TBC1D20: variants seen among roughly 807,000 people sequenced by gnomAD.
TBC1D20 encodes the protein TBC1 domain family member 20.
TBC1D20 carries 12 observed loss-of-function variants against 41.6 expected under a neutral mutation model. The ratio of observed to expected loss-of-function variants is 0.29; its 90% CI spans 0.18 to 0.47. The LOEUF (loss-of-function observed/expected upper bound fraction) is 0.47. Among genes scored for constraint, TBC1D20 ranks in the 20% least tolerant of loss-of-function variants. The probability of loss-of-function intolerance (pLI) is 1.00; values close to 1 mark genes in which losing one functional copy is unlikely to be tolerated. For synonymous variants in TBC1D20, 205 were observed against 204.8 expected, an observed-to-expected ratio of 1.00 and a Z score of -0.01; for missense variants, 421 against 517.4, an observed-to-expected ratio of 0.81 and a Z score of 1.81.
Position 436,722 on chromosome 20 carries a change from C to G in TBC1D20, c.*1864G>C, listed in dbSNP as rs541822608. ...TTCCTTTGCCCTGATGAATACACCA[C>G]TGTCTAAATTAATCCATCGACATCA... On this transcript the variant is annotated 3_prime_UTR_variant, in exon 8 of 8. Transcript: ENST00000354200. 3 of 153,778 alleles carry G rather than the reference C, an allele frequency of 2.0e-5. No homozygotes were observed. Among genetic ancestry groups the G allele is most frequent in the Admixed American group, 6.5e-5 (1 of 15,284 alleles). 9.5% of individuals were successfully genotyped at this position (153,778 alleles called of 1,614,324 possible).
chr20:443,333 CAGG>C (rs1423117923), intron 3 of TBC1D20, among the ~76,000 whole-genome samples: 7 of 152,324 alleles, frequency 4.6e-5, no homozygotes, highest in African/African-American at 1.7e-4. Context: ...AAGCCTGTCT[CAGG>C]AGTTCTTTCA....
Position 436,126 on chromosome 20 carries a change from A to C in TBC1D20, c.*2460T>G, listed in dbSNP as rs1175544130. On this transcript the variant is annotated 3_prime_UTR_variant, in exon 8 of 8. Transcript: ENST00000354200. ...TTGCAGATGAAACAGAAACAGCAAGACTGTAGGTACTGCCCAAGGTCTCCT... is the reference window on the plus strand; with the variant it reads ...TTGCAGATGAAACAGAAACAGCAAGCCTGTAGGTACTGCCCAAGGTCTCCT... 6.6e-6 allele frequency: 1 copy of C among 152,220 alleles called. No homozygotes were observed. The highest frequency in any genetic ancestry group is 6.6e-5 in the Admixed American group (1 of 15,262). The allele number at this position is 152,220 out of a possible 1,614,324, so 9.4% of individuals were successfully genotyped here. A position where few individuals can be genotyped will look rare whatever the true frequency, so the allele number is the denominator to read the frequency against.
intron 5 of TBC1D20, 158 bp from the exon 6 acceptor site, chr20:440,547 T>C (rs1280969504): frequency 6.4e-6 from 6 of 939,618 alleles, no homozygotes; most frequent in Admixed American, 3.0e-5. Context: ...AAATATTTAA[T>C]ACAAAGTCTT....
chr20:457,250 T>G (rs538413476), intron 1 of TBC1D20, among the ~76,000 whole-genome samples: 1 of 152,168 alleles, frequency 6.6e-6, no homozygotes, highest in African/African-American at 2.4e-5. Flanking sequence ...TTTTTAATTT[T>G]TATTTATTTA....
Position 440,307 on chromosome 20 carries a change from G to A in TBC1D20, c.709C>T (p.Arg237Trp), listed in dbSNP as rs1437262058. The A allele has an allele frequency of 8.1e-6, 13 of 1,613,916 alleles. No individual in the cohort carries two copies. The highest frequency in any genetic ancestry group is 1.1e-5 in the Non-Finnish European group (13 of 1,180,010). Reference sequence around the variant, plus strand: ...CAGGCCAGGAAGAAGTCATATAACCGCACGACGTGCCTGAAGTCAGACAGG... The same window carrying A: ...CAGGCCAGGAAGAAGTCATATAACCACACGACGTGCCTGAAGTCAGACAGG... Reference protein sequence around the residue: ...HVLSDFRHVVRLYDFFLACHP... With the variant: ...HVLSDFRHVVWLYDFFLACHP... The change falls in exon 6 of 8, where the codon CGG becomes TGG. Residue 237 changes from arginine (R) to tryptophan (W), a missense_variant. Physicochemically the swap from Arg to Trp is moderately radical, Grantham distance 101 (BLOSUM62 -3). Coordinates refer to ENST00000354200, the MANE Select transcript of TBC1D20 (RefSeq NM_144628.4).
intron 3 of TBC1D20, among the ~76,000 whole-genome samples, chr20:442,325 C>G (rs1409185092): frequency 6.6e-6 from 1 of 152,208 alleles, no homozygotes; most frequent in Admixed American, 6.5e-5. Flanking sequence ...ATGGGAGCCA[C>G]AGACGGCCTC....
At chr20:458,583 G>T (rs2017580940) in intron 1 of TBC1D20, among the ~76,000 whole-genome samples, 1 of 152,052 alleles carries the variant, frequency 6.6e-6, no homozygotes, top group South Asian at 2.1e-4. Flanking sequence ...AAAGTGCTGG[G>T]ATTACAGGCG....
rs1286884549 is a variant in TBC1D20 at position 439,307 on chromosome 20, T to C, written c.769-12A>G. On this transcript the variant is annotated splice_polypyrimidine_tract_variant and intron_variant, in intron 6 of 7. Transcript: ENST00000354200. This position sits in a 1 kb window ranked among gnomAD's most constrained non-coding sequence, Gnocchi z 4.6. ...CGATACAACACAATCTGTGGGGAGG[T>C]AGTAAAGCCTTGCAGTCAGAGGCCA... 3 of 1,590,848 alleles carry C rather than the reference T, an allele frequency of 1.9e-6. No individual in the cohort carries two copies. Among genetic ancestry groups the C allele is most frequent in the South Asian group, 1.1e-5 (1 of 87,720 alleles).
chr20:458,914 C>G lies in TBC1D20; in HGVS notation c.70+3422G>C, dbSNP rs1600345464. 3.3e-5 allele frequency among the ~76,000 whole-genome samples: 5 copies of G among 152,248 alleles called. 1 individual carries two copies. The South Asian group carries it at 1.0e-3, about 32-fold the overall frequency. Reference sequence around the variant, plus strand: ...GATTTCGGCTGCTGTTTTTTTCAGGCCCCAACACCACCCTCCTCAACCCCA... The same window carrying G: ...GATTTCGGCTGCTGTTTTTTTCAGGGCCCAACACCACCCTCCTCAACCCCA... On this transcript the variant is annotated intron_variant, in intron 1 of 7. Coordinates refer to ENST00000354200, the MANE Select transcript of TBC1D20 (RefSeq NM_144628.4).
At chr20:453,025 G>A (rs1013779067) in intron 1 of TBC1D20, among the ~76,000 whole-genome samples, 14 of 150,298 alleles carry the variant, frequency 9.3e-5, no homozygotes, top group Middle Eastern at 3.5e-3. Context: ...GGCACAGGCC[G>A]GTAATGCCAG....
At position 435,619 on chromosome 20, in the gene TBC1D20, G is replaced by A. The variant is rs948512913; in HGVS notation, c.*2967C>T. 2.0e-5 allele frequency: 3 copies of A among 153,654 alleles called. No homozygotes were observed. The highest frequency in any genetic ancestry group is 1.3e-4 in the Admixed American group (2 of 15,306). The allele number at this position is 153,654 out of a possible 1,614,324, so 9.5% of individuals were successfully genotyped here. ...TTCTGTCCCCATGGAGTGGGGGTGCGCCACCCTCTTGGCACATGGACAAGT... is the reference window on the plus strand; with the variant it reads ...TTCTGTCCCCATGGAGTGGGGGTGCACCACCCTCTTGGCACATGGACAAGT... On this transcript the variant is annotated 3_prime_UTR_variant, in exon 8 of 8. Transcript: ENST00000354200.
chr20:445,755 C>G (rs1372868057), intron 2 of TBC1D20, among the ~76,000 whole-genome samples: 3 of 152,220 alleles, frequency 2.0e-5, no homozygotes, highest in Admixed American at 6.5e-5. Context: ...TTTCCTCCAA[C>G]CAAACCAAGT....
rs1414789536 is a variant in TBC1D20, at chr20:443,428, A to C, written c.338-1385T>G. ...ATGAGCCAGGTTAGAAGAATGGCAC[A>C]TGCACAGCTTCTCCACACCATTAGC... is the stretch of plus-strand genomic sequence containing the variant. On this transcript the variant is annotated intron_variant, in intron 3 of 7. Coordinates refer to ENST00000354200, the MANE Select transcript of TBC1D20 (RefSeq NM_144628.4). 2.0e-5 allele frequency among the ~76,000 whole-genome samples: 3 copies of C among 152,334 alleles called. No homozygotes were observed. In the East Asian group the frequency reaches 5.8e-4, roughly 29 times the overall value.
chr20:440,459 G>A (rs904103003), intron 5 of TBC1D20, 70 bp from the exon 6 acceptor site: 48 of 1,556,790 alleles, frequency 3.1e-5, no homozygotes, highest in East Asian at 1.1e-4. Flanking sequence ...GCCTTATAGC[G>A]CTGGTGAGAA....
Position 440,403 on chromosome 20 carries a change from A to C in TBC1D20, c.627-14T>G, listed in dbSNP as rs188098486. 11 of 1,613,914 alleles carry C rather than the reference A, an allele frequency of 6.8e-6. No individual in the cohort carries two copies. The highest frequency in any genetic ancestry group is 1.3e-5 in the African/African-American group (1 of 75,036). On this transcript the variant is annotated splice_polypyrimidine_tract_variant and intron_variant, in intron 5 of 7. Transcript: ENST00000354200. Reference sequence around the variant, plus strand: ...CCTACCTCAGCACTAGAAACAAAGGAAAGGCAGGTGTCAGGTCCTGTGGGC... The same window carrying C: ...CCTACCTCAGCACTAGAAACAAAGGCAAGGCAGGTGTCAGGTCCTGTGGGC...
intron 5 of TBC1D20, 34 bp from the exon 6 acceptor site, chr20:440,423 G>C: frequency 6.2e-7 from 1 of 1,612,484 alleles, no homozygotes; most frequent in Non-Finnish European, 8.5e-7. Flanking sequence ...GTCAGGTCCT[G>C]TGGGCCATCC....
At chr20:460,671 A>G (rs949967675) in intron 1 of TBC1D20, among the ~76,000 whole-genome samples, 1 of 152,212 alleles carries the variant, frequency 6.6e-6, no homozygotes, top group Non-Finnish European at 1.5e-5. Flanking sequence ...ACTACAATGG[A>G]AAAAAACAGT....
At chr20:445,343 G>A (rs2017312689) in intron 2 of TBC1D20, among the ~76,000 whole-genome samples, 1 of 152,166 alleles carries the variant, frequency 6.6e-6, no homozygotes, top group Non-Finnish European at 1.5e-5. Flanking sequence ...AGAGAAGGGA[G>A]CACAGACTGC....
At chr20:442,467 A>T (rs951526432) in intron 3 of TBC1D20, among the ~76,000 whole-genome samples, 8 of 152,250 alleles carry the variant, frequency 5.3e-5, no homozygotes, top group African/African-American at 1.4e-4. Context: ...TAACTCTCAT[A>T]CAATACAAAG....
Sources: allele counts gnomAD v4.1 joint callset (sites outside exome capture counted in the v4.1 genomes callset), GRCh38; gene constraint gnomAD v4.1.1; non-coding constraint Gnocchi (gnomAD v3.1); transcripts MANE v1.5; gene names NCBI Gene and HGNC (gene_info 2026-07-23, HGNC 2026-07-21).